Variants in PARD3B observed in about 807,000 individuals in gnomAD.
The protein encoded by PARD3B is partitioning defective 3 homolog B.
Under a neutral mutation model 130.2 loss-of-function variants are expected in PARD3B, and 103 were observed. The observed-to-expected ratio is 0.79, with a 90% confidence interval of 0.67 to 0.93. The LOEUF is 0.93. Among genes scored for constraint, PARD3B ranks in the 40% least tolerant of loss-of-function variants. The probability of loss-of-function intolerance (pLI) is 0.00; values close to 1 mark genes in which losing one functional copy is unlikely to be tolerated. For missense variants in PARD3B, 1,609 were observed against 1,499.2 expected (o/e 1.07, Z -1.21); for synonymous variants, 583 against 553.2 (o/e 1.05, Z -0.76).
At chr2:205,261,966 G>C (rs957081873) in intron 16 of PARD3B, among the ~76,000 whole-genome samples, 1 of 151,972 alleles carries the variant, frequency 6.6e-6, no homozygotes, top group Non-Finnish European at 1.5e-5. Context: ...AGTCCTTTAG[G>C]TACTAAAACA....
At chr2:204,879,946 T>C (rs1421321742) in intron 2 of PARD3B, among the ~76,000 whole-genome samples, 1 of 152,240 alleles carries the variant, frequency 6.6e-6, no homozygotes. Flanking sequence ...CTCTAACTGA[T>C]GATTAGTAGA....
intron 16 of PARD3B, among the ~76,000 whole-genome samples, chr2:205,254,915 C>T (rs557263189): frequency 2.9e-4 from 44 of 151,952 alleles, no homozygotes; most frequent in African/African-American, 9.7e-4. Context: ...CCGCCCGCCT[C>T]GGCCTCCCAA....
Position 205,011,499 on chromosome 2 carries a change from A to G in PARD3B, c.395-36082A>G, listed in dbSNP as rs1182164909. ...AAGTGCAGTTTTATAACCTAATCTC[A>G]GAATGGACATACCAGTACTTCTTTC... On this transcript the variant is annotated intron_variant, in intron 3 of 22. Transcript: ENST00000406610. This position sits in a 1 kb window ranked among gnomAD's most constrained non-coding sequence, Gnocchi z 4.1. 6.6e-6 allele frequency among the ~76,000 whole-genome samples: 1 copy of G among 152,222 alleles called. No individual in the cohort carries two copies. The highest frequency in any genetic ancestry group is 1.5e-5 in the Non-Finnish European group (1 of 68,040).
At chr2:205,468,305 A>G (rs962047803) in intron 20 of PARD3B, among the ~76,000 whole-genome samples, 3 of 152,182 alleles carry the variant, frequency 2.0e-5, no homozygotes, top group Admixed American at 6.5e-5. Context: ...TTCCTTACCA[A>G]TAGATATTTC....
At chr2:204,918,220 T>C (rs1172419406) in intron 2 of PARD3B, among the ~76,000 whole-genome samples, 1 of 152,236 alleles carries the variant, frequency 6.6e-6, no homozygotes, top group East Asian at 1.9e-4. Flanking sequence ...ATGAAAGCTG[T>C]TGGATTTTAA....
At chr2:205,096,837 C>G (rs1054150482) in intron 4 of PARD3B, among the ~76,000 whole-genome samples, 22 of 152,090 alleles carry the variant, frequency 1.4e-4, no homozygotes, top group African/African-American at 5.1e-4. Context: ...TTTAAAGATG[C>G]AATTATTAGA....
chr2:205,238,651 G>T (rs529391946), intron 15 of PARD3B, among the ~76,000 whole-genome samples: 1 of 151,034 alleles, frequency 6.6e-6, no homozygotes, highest in African/African-American at 2.4e-5. Flanking sequence ...GACCAACATG[G>T]TGAAACCCCG....
chr2:205,422,785 A>C (rs2047014478), intron 19 of PARD3B, among the ~76,000 whole-genome samples: 1 of 152,054 alleles, frequency 6.6e-6, no homozygotes. Flanking sequence ...AGGCCAAGGA[A>C]TAGGGAGCCA....
intron 2 of PARD3B, among the ~76,000 whole-genome samples, chr2:204,816,435 G>A (rs963695175): frequency 9.9e-5 from 15 of 151,704 alleles, no homozygotes; most frequent in African/African-American, 3.6e-4. Context: ...TGGTCTTCTG[G>A]TGATACATTT....
At chr2:205,602,800 C>T (rs896277895) in intron 22 of PARD3B, among the ~76,000 whole-genome samples, 1 of 151,874 alleles carries the variant, frequency 6.6e-6, no homozygotes, top group African/African-American at 2.4e-5. Flanking sequence ...ATAATTTTTT[C>T]AATAAACCAG....
At chr2:204,688,578 TAAAAAAAAAA>T (rs568862087) in intron 2 of PARD3B, among the ~76,000 whole-genome samples, 1 of 94,590 alleles carries the variant, frequency 1.1e-5, no homozygotes, top group African/African-American at 3.6e-5. Context: ...AGACTCCATC[TAAAAAAAAAA>T]AAAAAAAAAG....
intron 2 of PARD3B, among the ~76,000 whole-genome samples, chr2:204,720,912 C>T (rs968617094): frequency 2.6e-5 from 4 of 151,950 alleles, no homozygotes; most frequent in Admixed American, 1.3e-4. Flanking sequence ...TAGCAGTAAC[C>T]CTGTCTATAT....
At chr2:205,476,525 G>A (rs2049028021) in intron 20 of PARD3B, among the ~76,000 whole-genome samples, 1 of 151,904 alleles carries the variant, frequency 6.6e-6, no homozygotes, top group African/African-American at 2.4e-5. Flanking sequence ...GTATCCACTG[G>A]GTCTATGTTG....
intron 18 of PARD3B, among the ~76,000 whole-genome samples, chr2:205,382,888 G>A (rs2045503566): frequency 6.6e-6 from 1 of 151,904 alleles, no homozygotes; most frequent in Non-Finnish European, 1.5e-5. Flanking sequence ...TTTTGAAGAA[G>A]TTTCTTATTT....
intron 1 of PARD3B, among the ~76,000 whole-genome samples, chr2:204,605,585 G>T (rs375032943): frequency 1.3e-5 from 2 of 152,092 alleles, no homozygotes; most frequent in African/African-American, 4.8e-5. Context: ...ACGGTCTAAG[G>T]TTCTGTGATG....
rs1165722525 is a variant in PARD3B at position 205,550,935 on chromosome 2, G to GTATATATATA, written c.3181-2388_3181-2387insATATATATAT. On this transcript the variant is annotated intron_variant, in intron 21 of 22. Transcript: ENST00000406610. The surrounding 1 kb of genome is among the most constrained non-coding windows in gnomAD (Gnocchi z 4.5). ...AATACATATAATTATGTGTGTGTGT[G>GTATATATATA]TGTGTGTATATATATATGTGTATAT... Among the ~76,000 whole-genome samples, 534 of 84,812 alleles carry GTATATATATA rather than the reference G, an allele frequency of 6.3e-3. 3 individuals are homozygous for GTATATATATA. The highest frequency in any genetic ancestry group is 0.019 in the African/African-American group (483 of 25,970). 55.6% of individuals were successfully genotyped at this position (84,812 alleles called of 152,430 possible).
intron 16 of PARD3B, among the ~76,000 whole-genome samples, chr2:205,248,825 TTTC>T (rs2039697250): frequency 6.6e-6 from 1 of 151,686 alleles, no homozygotes; most frequent in South Asian, 2.1e-4. Context: ...GCCAGGATGG[TTTC>T]GATCTCCTGA....
intron 2 of PARD3B, among the ~76,000 whole-genome samples, chr2:204,947,141 C>T (rs1689390641): frequency 1.3e-5 from 2 of 152,154 alleles, no homozygotes. Context: ...CCCTGTGGCT[C>T]AGTCAAATTA....
intron 18 of PARD3B, among the ~76,000 whole-genome samples, chr2:205,343,909 T>C (rs2043644110): frequency 6.6e-6 from 1 of 152,172 alleles, no homozygotes; most frequent in Admixed American, 6.5e-5. Flanking sequence ...TAATATACTA[T>C]GTACATGGAA....
Sources: gnomAD v4.1 joint callset for allele counts (sites outside exome capture counted in the v4.1 genomes callset) on GRCh38, gnomAD v4.1.1 for gene constraint, Gnocchi (gnomAD v3.1) non-coding constraint, MANE v1.5 for transcripts, NCBI Gene and HGNC (gene_info 2026-07-23, HGNC 2026-07-21) for gene names.